The following FNDC3B variants were observed in gnomAD, a reference collection of about 807,000 sequenced individuals.
FNDC3B encodes the protein fibronectin type III domain containing 3B, also known as fibronectin type III domain-containing protein 3B.
In FNDC3B, 12 loss-of-function variants were observed where a neutral mutation model predicts 151.5. The ratio of observed to expected loss-of-function variants is 0.08; its 90% CI spans 0.05 to 0.13. The LOEUF is 0.13. FNDC3B is among the 10% of genes least tolerant of loss of function. FNDC3B has a pLI of 1.00. For missense variants in FNDC3B, 1,214 were observed against 1,505.3 expected (o/e 0.81, Z 3.20); for synonymous variants, 528 against 549.0 (o/e 0.96, Z 0.54).
rs1210526406 is a variant in FNDC3B at position 172,040,865 on chromosome 3, C to A, written c.-29+1094C>A. ...TGGGAACCGGAGGACCCGGGCCCGCCGTCTCGGGAGACTGGGCTGCGCCGC... is the reference window on the plus strand; with the variant it reads ...TGGGAACCGGAGGACCCGGGCCCGCAGTCTCGGGAGACTGGGCTGCGCCGC... On this transcript the variant is annotated intron_variant, in intron 1 of 25. Transcript: ENST00000415807. This position sits in a 1 kb window ranked among gnomAD's most constrained non-coding sequence, Gnocchi z 6.6. Among the ~76,000 whole-genome samples the A allele has an allele frequency of 1.3e-5, 2 of 152,054 alleles. No homozygotes were observed. Among genetic ancestry groups the A allele is most frequent in the Non-Finnish European group, 2.9e-5 (2 of 67,964 alleles).
intron 1 of FNDC3B, among the ~76,000 whole-genome samples, chr3:172,045,467 A>G (rs1716316415): frequency 6.6e-6 from 1 of 152,196 alleles, no homozygotes; most frequent in African/African-American, 2.4e-5. Context: ...GTACTGAATG[A>G]TAAAGGAATA....
At chr3:172,192,472 A>C (rs9861154) in intron 3 of FNDC3B, among the ~76,000 whole-genome samples, 12,155 of 152,076 alleles carry the variant, frequency 0.08, 819 homozygotes, top group African/African-American at 0.19. Context: ...GGTGTGAGCC[A>C]CCGCGCCTGG....
rs140010582 is a variant in FNDC3B at position 172,271,281 on chromosome 3, A to G, written c.791-14645A>G. 2.3e-3 allele frequency among the ~76,000 whole-genome samples: 343 copies of G among 152,360 alleles called. 2 individuals carry two copies. Among genetic ancestry groups the G allele is most frequent in the African/African-American group, 8.0e-3 (332 of 41,580 alleles). On this transcript the variant is annotated intron_variant, in intron 6 of 25. Coordinates refer to ENST00000415807, the MANE Select transcript of FNDC3B (RefSeq NM_022763.4). ...ATTTCACTCAGATACTCTTGACTGC[A>G]TAGCAACAGACCTATTTTGGAGTAT...
At chr3:172,099,776 G>T (rs1044000525) in intron 1 of FNDC3B, among the ~76,000 whole-genome samples, 1 of 152,192 alleles carries the variant, frequency 6.6e-6, no homozygotes, top group Non-Finnish European at 1.5e-5. Context: ...TCTTAATTTG[G>T]ATTAATTTGT....
chr3:172,231,123 A>G (rs2108747679), intron 4 of FNDC3B, among the ~76,000 whole-genome samples: 1 of 152,392 alleles, frequency 6.6e-6, no homozygotes, highest in South Asian at 2.1e-4. Context: ...TTATTCAGCC[A>G]TAGTGAGGAA....
intron 6 of FNDC3B, among the ~76,000 whole-genome samples, chr3:172,283,213 C>A (rs142334859): frequency 1.4e-4 from 22 of 152,278 alleles, no homozygotes; most frequent in African/African-American, 5.3e-4. Context: ...ACCTGAAACT[C>A]ATTTTTTTTG....
intron 1 of FNDC3B, among the ~76,000 whole-genome samples, chr3:172,066,512 CAG>C (rs150215659): frequency 0.057 from 8,674 of 152,238 alleles, 387 homozygotes; most frequent in East Asian, 0.19. Flanking sequence ...CCTTTCAGGA[CAG>C]AGGTGGCTAC....
rs77399762 is a variant in FNDC3B at position 172,099,465 on chromosome 3, C to T, written c.-28-12987C>T. ...AGAATGGCAACACAATATTATTTGT[C>T]GTTACTTCCTTAGTGTTTGATCATT... On this transcript the variant is annotated intron_variant, in intron 1 of 25. Transcript: ENST00000415807. 3.5e-3 allele frequency among the ~76,000 whole-genome samples: 533 copies of T among 152,132 alleles called. 2 individuals are homozygous for T. Among genetic ancestry groups the T allele is most frequent in the Non-Finnish European group, 5.6e-3 (382 of 68,024 alleles).
chr3:172,394,106 T>TAAAAA (rs60559371), intron 25 of FNDC3B, among the ~76,000 whole-genome samples: 1,032 of 16,654 alleles, frequency 0.062, 211 homozygotes, highest in Middle Eastern at 0.29. Flanking sequence ...AGACTCCTTC[T>TAAAAA]AAAAAAAAAA....
chr3:172,214,075 A>G (rs953733738), intron 3 of FNDC3B, among the ~76,000 whole-genome samples: 7 of 152,236 alleles, frequency 4.6e-5, no homozygotes, highest in African/African-American at 1.7e-4. Flanking sequence ...TGGCTGAGAA[A>G]ATAGCAGTCT....
At chr3:172,360,066 G>T (rs1171603385) in intron 22 of FNDC3B, among the ~76,000 whole-genome samples, 4 of 152,226 alleles carry the variant, frequency 2.6e-5, no homozygotes, top group Non-Finnish European at 4.4e-5. Flanking sequence ...TATTTAAAAG[G>T]CAACTGTTTT....
chr3:172,043,774 A>G (rs1716214487), intron 1 of FNDC3B, among the ~76,000 whole-genome samples: 1 of 152,194 alleles, frequency 6.6e-6, no homozygotes, highest in Non-Finnish European at 1.5e-5. Flanking sequence ...AAACTGGTGG[A>G]AAAATCTTTA....
intron 11 of FNDC3B, among the ~76,000 whole-genome samples, chr3:172,315,059 A>C (rs1457878277): frequency 6.6e-6 from 1 of 152,236 alleles, no homozygotes; most frequent in African/African-American, 2.4e-5. Flanking sequence ...TACTATGACT[A>C]TGAAATGGTA....
In FNDC3B at chr3:172,312,121, C is replaced by A. The variant is rs188720528; in HGVS notation, c.1254+1240C>A. ...TGGCAAGTATGGAAAAATATTTTAA[C>A]CAAATGTAAAATGAAAACTGGATGG... On this transcript the variant is annotated intron_variant, in intron 11 of 25. Coordinates refer to ENST00000415807, the MANE Select transcript of FNDC3B (RefSeq NM_022763.4). Among the ~76,000 whole-genome samples the A allele has an allele frequency of 2.6e-4, 39 of 152,178 alleles. No individual in the cohort carries two copies. In the East Asian group the frequency reaches 7.3e-3, roughly 29 times the overall value.
intron 1 of FNDC3B, among the ~76,000 whole-genome samples, chr3:172,050,225 T>C (rs1475289193): frequency 6.6e-6 from 1 of 152,204 alleles, no homozygotes; most frequent in Non-Finnish European, 1.5e-5. Context: ...ATAAAAATTC[T>C]AATGGAAAGA....
At chr3:172,346,818 C>A (rs1391741484) in intron 20 of FNDC3B, among the ~76,000 whole-genome samples, 1 of 152,128 alleles carries the variant, frequency 6.6e-6, no homozygotes, top group Non-Finnish European at 1.5e-5. Context: ...ATTCTCCTGC[C>A]TCAGCCTCCT....
intron 3 of FNDC3B, chr3:172,186,964 A>G (rs931465696): frequency 4.1e-6 from 2 of 484,734 alleles, no homozygotes; most frequent in Non-Finnish European, 7.3e-6. Context: ...AAAGCAAGGA[A>G]CTATATTATT....
intron 3 of FNDC3B, among the ~76,000 whole-genome samples, chr3:172,226,450 T>C (rs1217516787): frequency 6.6e-6 from 1 of 152,146 alleles, no homozygotes; most frequent in African/African-American, 2.4e-5. Flanking sequence ...ATGCAAAGTC[T>C]ATAGGAGCTT....
chr3:172,159,306 G>T (rs1369835194), intron 3 of FNDC3B, among the ~76,000 whole-genome samples: 2 of 152,044 alleles, frequency 1.3e-5, no homozygotes, highest in African/African-American at 4.8e-5. Context: ...TGGGTATATT[G>T]GTGTGTGTCT....
Sources: gnomAD v4.1 joint callset for allele counts (sites outside exome capture counted in the v4.1 genomes callset) on GRCh38, gnomAD v4.1.1 for gene constraint, Gnocchi (gnomAD v3.1) non-coding constraint, MANE v1.5 for transcripts, NCBI Gene and HGNC (gene_info 2026-07-23, HGNC 2026-07-21) for gene names.